The following EPHB1 variants were observed in gnomAD, a reference collection of about 807,000 sequenced individuals.
EPHB1 encodes the protein ephrin type-B receptor 1.
Under a neutral mutation model 94.4 loss-of-function variants are expected in EPHB1, and 30 were observed. That is an observed-to-expected ratio of 0.32 (90% CI 0.24 to 0.43). EPHB1 has a LOEUF of 0.43. EPHB1 is among the 20% of genes least tolerant of loss of function. EPHB1 has a pLI of 1.00. For synonymous variants in EPHB1, 522 were observed against 489.1 expected (o/e 1.07, Z -0.89); for missense variants, 1,055 against 1,308.3 (o/e 0.81, Z 2.99).
At chr3:134,803,441 G>T (rs184566603) in intron 1 of EPHB1, among the ~76,000 whole-genome samples, 5 of 152,270 alleles carry the variant, frequency 3.3e-5, no homozygotes, top group Admixed American at 2.6e-4. Flanking sequence ...ATGTAAGCCT[G>T]AGGGAGCCAG....
At chr3:134,803,976 A>G (rs1267407060) in intron 1 of EPHB1, among the ~76,000 whole-genome samples, 1 of 151,420 alleles carries the variant, frequency 6.6e-6, no homozygotes, top group South Asian at 2.1e-4. Context: ...CAGCTGGAGG[A>G]AAACTTTTTC....
At chr3:135,234,521 T>C (rs1943603068) in intron 12 of EPHB1, among the ~76,000 whole-genome samples, 1 of 152,228 alleles carries the variant, frequency 6.6e-6, no homozygotes, top group South Asian at 2.1e-4. Flanking sequence ...CATTTTCAGG[T>C]ATCCTTATAG....
At chr3:135,124,236 CA>C (rs925792429) in intron 4 of EPHB1, among the ~76,000 whole-genome samples, 10 of 151,854 alleles carry the variant, frequency 6.6e-5, no homozygotes, top group African/African-American at 1.9e-4. Flanking sequence ...GCTTCTGTCT[CA>C]TCACACTCAG....
At chr3:135,009,308 C>G (rs892280142) in intron 3 of EPHB1, among the ~76,000 whole-genome samples, 5 of 152,204 alleles carry the variant, frequency 3.3e-5, no homozygotes, top group South Asian at 2.1e-4. Context: ...TACTAACGTT[C>G]CCTGGGTGAT....
At chr3:134,904,812 T>G (rs2107691388) in intron 1 of EPHB1, among the ~76,000 whole-genome samples, 1 of 152,340 alleles carries the variant, frequency 6.6e-6, no homozygotes, top group South Asian at 2.1e-4. Flanking sequence ...AATATAGTGT[T>G]TATACAATTT....
intron 4 of EPHB1, among the ~76,000 whole-genome samples, chr3:135,107,894 C>T (rs1257438097): frequency 1.3e-5 from 2 of 152,258 alleles, no homozygotes; most frequent in South Asian, 2.1e-4. Context: ...TTCTGCTGAC[C>T]AGAAGTCCTG....
At chr3:135,018,010 C>T (rs1438998127) in intron 3 of EPHB1, among the ~76,000 whole-genome samples, 2 of 151,874 alleles carry the variant, frequency 1.3e-5, no homozygotes, top group East Asian at 1.9e-4. Flanking sequence ...TGAGGGGGGG[C>T]ATGATGAGAG....
chr3:134,803,191 G>C lies in EPHB1; in HGVS notation c.58+7502G>C, dbSNP rs182662373. Among the ~76,000 whole-genome samples the C allele has an allele frequency of 1.6e-3, 250 of 152,302 alleles. 3 individuals carry two copies. The highest frequency in any genetic ancestry group is 5.0e-4 in the Non-Finnish European group (34 of 68,020). On this transcript the variant is annotated intron_variant, in intron 1 of 15. Coordinates refer to ENST00000398015, the MANE Select transcript of EPHB1 (RefSeq NM_004441.5). ...CAGGACTCATTTCTGCCCACAGATTGCACCTGAGGCCCTGCGTCTCTCATC... is the reference window on the plus strand; with the variant it reads ...CAGGACTCATTTCTGCCCACAGATTCCACCTGAGGCCCTGCGTCTCTCATC...
chr3:135,190,408 T>C (rs533213660), intron 10 of EPHB1, among the ~76,000 whole-genome samples: 1 of 152,376 alleles, frequency 6.6e-6, no homozygotes, highest in Admixed American at 6.5e-5. Context: ...CTAACCAATA[T>C]TCTTCCATTA....
intron 1 of EPHB1, among the ~76,000 whole-genome samples, chr3:134,893,475 G>A (rs1419000934): frequency 6.6e-6 from 1 of 152,028 alleles, no homozygotes; most frequent in African/African-American, 2.4e-5. Flanking sequence ...TCCAGTGCAA[G>A]CACATACTCT....
chr3:135,115,390 C>T (rs1168916632), intron 4 of EPHB1, among the ~76,000 whole-genome samples: 1 of 152,174 alleles, frequency 6.6e-6, no homozygotes, highest in Non-Finnish European at 1.5e-5. Context: ...ACCTCTAAGG[C>T]GAAGGCAGTC....
chr3:135,053,443 A>G (rs1002144901), intron 3 of EPHB1, among the ~76,000 whole-genome samples: 23 of 152,288 alleles, frequency 1.5e-4, no homozygotes, highest in African/African-American at 5.3e-4. Context: ...GAACTGGTTT[A>G]AGGTGAGATT....
intron 5 of EPHB1, among the ~76,000 whole-genome samples, chr3:135,133,840 C>T (rs953668047): frequency 3.3e-5 from 5 of 152,140 alleles, no homozygotes; most frequent in African/African-American, 4.8e-5. Flanking sequence ...ATCAATTTAA[C>T]GAGTCCGTTC....
At chr3:135,154,797 T>C (rs962909318) in intron 6 of EPHB1, among the ~76,000 whole-genome samples, 10 of 152,188 alleles carry the variant, frequency 6.6e-5, no homozygotes, top group African/African-American at 1.9e-4. Flanking sequence ...AATTTATATA[T>C]TATTTTCCTT....
At chr3:135,138,648 A>G (rs898929899) in intron 5 of EPHB1, among the ~76,000 whole-genome samples, 3 of 152,228 alleles carry the variant, frequency 2.0e-5, no homozygotes, top group African/African-American at 7.2e-5. Context: ...GCTCCAACAC[A>G]GAGAAAAGAT....
At chr3:134,930,122 C>T (rs1345648900) in intron 2 of EPHB1, among the ~76,000 whole-genome samples, 1 of 152,210 alleles carries the variant, frequency 6.6e-6, no homozygotes, top group East Asian at 1.9e-4. Context: ...GCCTGTGTGG[C>T]AGGCTTTCAG....
At chr3:135,052,890 A>AAAAAAAAAAAATATAT (rs1553726757) in intron 3 of EPHB1, among the ~76,000 whole-genome samples, 1 of 54,622 alleles carries the variant, frequency 1.8e-5, no homozygotes, top group African/African-American at 1.1e-4. Context: ...AAAAAAAAAA[A>AAAAAAAAAAAATATAT]ATATATATAT....
At chr3:134,854,882 A>C (rs2037077845) in intron 1 of EPHB1, among the ~76,000 whole-genome samples, 1 of 150,812 alleles carries the variant, frequency 6.6e-6, no homozygotes. Context: ...TAGATTCTCT[A>C]TAAAAAGTTA....
At chr3:134,939,185 C>T (rs2107708738) in intron 2 of EPHB1, among the ~76,000 whole-genome samples, 1 of 152,302 alleles carries the variant, frequency 6.6e-6, no homozygotes, top group South Asian at 2.1e-4. Flanking sequence ...GTCCCTCACC[C>T]CCATCCCCTT....
Sources: allele counts gnomAD v4.1 joint callset (sites outside exome capture counted in the v4.1 genomes callset), GRCh38; gene constraint gnomAD v4.1.1; transcripts MANE v1.5; gene names NCBI Gene and HGNC (gene_info 2026-07-23, HGNC 2026-07-21).